Variants in ADGRL2 observed in about 807,000 individuals in gnomAD.
The protein encoded by ADGRL2 is calcium-independent alpha-latrotoxin receptor 2.
In ADGRL2, 44 loss-of-function variants were observed where a neutral mutation model predicts 157.4. The ratio of observed to expected loss-of-function variants is 0.28; its 90% CI spans 0.22 to 0.36. The LOEUF (loss-of-function observed/expected upper bound fraction) is 0.36, where lower values mean the gene tolerates loss of function less well. Ranked by LOEUF, ADGRL2 falls within the 10% of genes least tolerant of loss-of-function variation. The pLI is 1.00. For synonymous variants in ADGRL2, 585 were observed against 624.7 expected (o/e 0.94, Z 0.95); for missense variants, 1,510 against 1,768.9 (o/e 0.85, Z 2.63).
chr1:81,594,283 G>A (rs1271230214), intron 3 of ADGRL2, among the ~76,000 whole-genome samples: 4 of 152,084 alleles, frequency 2.6e-5, no homozygotes, highest in Non-Finnish European at 4.4e-5. Flanking sequence ...TATTTGACGA[G>A]TGAAACATCT....
intron 2 of ADGRL2, among the ~76,000 whole-genome samples, chr1:81,576,857 T>C (rs2080807773): frequency 6.6e-6 from 1 of 152,196 alleles, no homozygotes; most frequent in Non-Finnish European, 1.5e-5. Context: ...TGATAAGTTT[T>C]TCTTTAACTT....
At chr1:81,683,964 A>C (rs12091884) in intron 3 of ADGRL2, among the ~76,000 whole-genome samples, 1 of 151,606 alleles carries the variant, frequency 6.6e-6, no homozygotes, top group Admixed American at 6.6e-5. Context: ...TTACAGGCGC[A>C]CGCCACCATG....
At chr1:81,748,465 C>G (rs193254795) in intron 1 of ADGRL2, among the ~76,000 whole-genome samples, 2,469 of 74,500 alleles carry the variant, frequency 0.033, 31 homozygotes, top group South Asian at 0.09. Flanking sequence ...GAGATTCCGT[C>G]TCAAAAAAAA....
intron 2 of ADGRL2, among the ~76,000 whole-genome samples, chr1:81,877,849 G>A (rs2093882097): frequency 6.6e-6 from 1 of 151,968 alleles, no homozygotes; most frequent in African/African-American, 2.4e-5. Context: ...GCTTAATAGC[G>A]ATTAAATCCG....
chr1:81,972,456 A>C (rs181434715), intron 17 of ADGRL2, among the ~76,000 whole-genome samples: 1 of 152,302 alleles, frequency 6.6e-6, no homozygotes, highest in East Asian at 1.9e-4. Context: ...ATACCAAATG[A>C]ATATACTAGT....
At chr1:81,888,352 T>C (rs889673322) in intron 2 of ADGRL2, among the ~76,000 whole-genome samples, 5 of 152,224 alleles carry the variant, frequency 3.3e-5, no homozygotes, top group Non-Finnish European at 7.3e-5. Context: ...AGTAAATGTA[T>C]GTGAAATGTT....
chr1:81,469,538 CCTATCTTTAG>C (rs924067740), intron 2 of ADGRL2, among the ~76,000 whole-genome samples: 1 of 152,138 alleles, frequency 6.6e-6, no homozygotes, highest in Non-Finnish European at 1.5e-5. Flanking sequence ...TATTCAATTT[CCTATCTTTAG>C]CTATCTTTGG....
chr1:81,522,595 T>C lies in ADGRL2; in HGVS notation c.-247-58281T>C, dbSNP rs78518732. On this transcript the variant is annotated intron_variant, in intron 2 of 24. Transcript: ENST00000370721. ...TATAGGTGATGCATAGCTTAAGAAG[T>C]TATGTTCTATATGTGGTTTAAGCTA... 2.0e-5 allele frequency among the ~76,000 whole-genome samples: 3 copies of C among 152,236 alleles called. No homozygotes were observed. The East Asian group carries it at 5.8e-4, about 29-fold the overall frequency.
chr1:81,509,862 A>G (rs1048582169), intron 2 of ADGRL2, among the ~76,000 whole-genome samples: 2 of 152,174 alleles, frequency 1.3e-5, no homozygotes, highest in African/African-American at 4.8e-5. Flanking sequence ...GTATGTGAGG[A>G]TTTAGTGAAA....
At chr1:81,392,239 C>T (rs200173045) in intron 1 of ADGRL2, among the ~76,000 whole-genome samples, 1 of 139,086 alleles carries the variant, frequency 7.2e-6, no homozygotes, top group Non-Finnish European at 1.6e-5. Context: ...AAAAAAAAAA[C>T]AAAGAAGCAA....
intron 2 of ADGRL2, among the ~76,000 whole-genome samples, chr1:81,523,783 G>C (rs985498775): frequency 2.0e-5 from 3 of 152,122 alleles, no homozygotes; most frequent in African/African-American, 7.2e-5. Context: ...TAAAAATCGG[G>C]CCTGGTACGG....
chr1:81,824,522 G>A lies in ADGRL2; in HGVS notation c.-100-12363G>A, dbSNP rs943492751. On this transcript the variant is annotated intron_variant, in intron 1 of 23. Coordinates refer to ENST00000686636, the MANE Select transcript of ADGRL2 (RefSeq NM_001366006.2). ...ACTCCTGGGCTCAAGCCATCCTCCTGCCTTGGCTCCCCAAATTGCTGGGAT... is the reference window on the plus strand; with the variant it reads ...ACTCCTGGGCTCAAGCCATCCTCCTACCTTGGCTCCCCAAATTGCTGGGAT... Among the ~76,000 whole-genome samples the A allele has an allele frequency of 2.0e-5, 3 of 152,070 alleles. No homozygotes were observed. The South Asian group carries it at 6.2e-4, about 32-fold the overall frequency.
At chr1:81,753,829 T>C (rs1355262832) in intron 1 of ADGRL2, among the ~76,000 whole-genome samples, 1 of 152,182 alleles carries the variant, frequency 6.6e-6, no homozygotes, top group Non-Finnish European at 1.5e-5. Flanking sequence ...AAAGTTGTCA[T>C]TATTACTCCT....
chr1:81,934,983 G>A (rs2095288838), intron 3 of ADGRL2, among the ~76,000 whole-genome samples: 1 of 151,964 alleles, frequency 6.6e-6, no homozygotes, highest in East Asian at 1.9e-4. Flanking sequence ...TCAGTGAACT[G>A]TCTTGTTGCT....
rs532484360 is a variant in ADGRL2, at chr1:81,937,856, A to G, written c.397+1019A>G. ...TCTGACAGATTTATATGTTCAAACTATCAATATTTCTAAAACCAAAGGGCC... is the reference window on the plus strand; with the variant it reads ...TCTGACAGATTTATATGTTCAAACTGTCAATATTTCTAAAACCAAAGGGCC... On this transcript the variant is annotated intron_variant, in intron 4 of 23. Coordinates refer to ENST00000686636, the MANE Select transcript of ADGRL2 (RefSeq NM_001366006.2). Among the ~76,000 whole-genome samples, 10 of 151,954 alleles carry G rather than the reference A, an allele frequency of 6.6e-5. No individual in the cohort carries two copies. The South Asian group carries it at 1.7e-3, about 25-fold the overall frequency.
intron 1 of ADGRL2, among the ~76,000 whole-genome samples, chr1:81,413,087 C>A (rs571265765): frequency 6.6e-6 from 1 of 152,048 alleles, no homozygotes; most frequent in Admixed American, 6.5e-5. Flanking sequence ...GACTTTTATT[C>A]CTCTAATTAC....
At chr1:81,722,588 G>A in intron 1 of ADGRL2, 1 of 1,455,582 alleles carries the variant, frequency 6.9e-7, no homozygotes, top group Non-Finnish European at 9.5e-7. Flanking sequence ...CTAGGCCACT[G>A]GGAAGATGTA....
chr1:81,921,309 T>TA (rs1489529901), intron 3 of ADGRL2, among the ~76,000 whole-genome samples: 1 of 152,204 alleles, frequency 6.6e-6, no homozygotes, highest in Non-Finnish European at 1.5e-5. Flanking sequence ...TTCTAAGACT[T>TA]ACTATAAAAC....
chr1:81,607,062 T>C (rs949405965), intron 3 of ADGRL2, among the ~76,000 whole-genome samples: 1 of 152,222 alleles, frequency 6.6e-6, no homozygotes, highest in South Asian at 2.1e-4. Flanking sequence ...TATTTTATAA[T>C]TTTTGTAATT....
Sources: gnomAD v4.1 joint callset for allele counts (sites outside exome capture counted in the v4.1 genomes callset) on GRCh38, gnomAD v4.1.1 for gene constraint, MANE v1.5 for transcripts, NCBI Gene and HGNC (gene_info 2026-07-23, HGNC 2026-07-21) for gene names.